Variants in CTDSP1 observed in about 807,000 individuals in gnomAD.
CTDSP1 encodes CTD small phosphatase 1.
CTDSP1 carries 15 observed loss-of-function variants against 32.5 expected under a neutral mutation model. The ratio of observed to expected loss-of-function variants is 0.46; its 90% CI spans 0.31 to 0.71. The LOEUF (loss-of-function observed/expected upper bound fraction) is 0.71. CTDSP1 is among the 30% of genes least tolerant of loss of function. The pLI is 0.05. For synonymous variants in CTDSP1, 185 were observed against 145.4 expected (o/e 1.27, Z -1.96); for missense variants, 294 against 351.1 (o/e 0.84, Z 1.30).
chr2:218,401,426 T>A (rs1436576947), intron 1 of CTDSP1, 138 bp from the exon 2 acceptor site: 24 of 955,730 alleles, frequency 2.5e-5, no homozygotes, highest in Non-Finnish European at 3.7e-5. Flanking sequence ...TCAGAGAAAG[T>A]CAGGAGCTGC....
rs199791299 is a variant in CTDSP1 at position 218,402,218 on chromosome 2, G to A, written c.321+3G>A. The A allele has an allele frequency of 8.8e-4, 1,419 of 1,613,316 alleles. No individual in the cohort carries two copies. The highest frequency in any genetic ancestry group is 7.4e-4 in the Non-Finnish European group (870 of 1,179,560). Reference sequence around the variant, plus strand: ...CCCTGGTGCACAGCTCCTTCAAGGTGGGCCCTGCTCAACAGCCCTCAGCCC... The same window carrying A: ...CCCTGGTGCACAGCTCCTTCAAGGTAGGCCCTGCTCAACAGCCCTCAGCCC... On this transcript the variant is annotated splice_donor_region_variant and intron_variant, in intron 3 of 6. Coordinates refer to ENST00000273062, the MANE Select transcript of CTDSP1 (RefSeq NM_021198.3).
chr2:218,399,597 G>T (rs1286230543), upstream of CTDSP1: 4 of 406,300 alleles, frequency 9.8e-6, no homozygotes, highest in Non-Finnish European at 1.3e-5. Context: ...CTCCCGGCGG[G>T]CGGGCCTTGG....
Position 218,403,070 on chromosome 2 carries a change from C to T in CTDSP1, c.414C>T (p.Phe138=), listed in dbSNP as rs570745354. ...TGAAGCGTCCTCACGTGGATGAGTT[C>T]CTGCAGCGAATGGGCGAGCTCTTTG... is the stretch of plus-strand genomic sequence containing the variant. ...YVLKRPHVDE[F]LQRMGELFEC... The change falls in exon 5 of 7, where the codon TTC becomes TTT. Residue 138 remains phenylalanine (F), a synonymous_variant. Transcript: ENST00000273062. 1.9e-6 allele frequency: 3 copies of T among 1,614,158 alleles called. No homozygotes were observed. Among genetic ancestry groups the T allele is most frequent in the South Asian group, 2.2e-5 (2 of 91,086 alleles).
rs954785777 is a variant in CTDSP1 at position 218,400,033 on chromosome 2, G to A, written c.-58G>A. ...CCGCGCCCCGATTCCGGCCCCAGCC[G>A]GGGGGGAGGCCGGGCGCCCGGGCCA... is the stretch of plus-strand genomic sequence containing the variant. On this transcript the variant is annotated 5_prime_UTR_variant, in exon 1 of 7. Transcript: ENST00000273062. 28 of 1,063,690 alleles carry A rather than the reference G, an allele frequency of 2.6e-5. No individual in the cohort carries two copies. The highest frequency in any genetic ancestry group is 9.7e-5 in the East Asian group (1 of 10,282). 65.9% of individuals were successfully genotyped at this position (1,063,690 alleles called of 1,614,324 possible).
chr2:218,403,208 G>A (rs1200422554), intron 5 of CTDSP1, 24 bp from the exon 6 acceptor site: 6 of 1,611,408 alleles, frequency 3.7e-6, no homozygotes, highest in South Asian at 1.1e-5. Context: ...GCGGGCCCCA[G>A]GATGACCCAC....
At chr2:218,398,652 C>G (rs1354567377), upstream of CTDSP1, 2 of 397,050 alleles carry the variant, frequency 5.0e-6, no homozygotes, top group Non-Finnish European at 8.8e-6. Context: ...GCGTCGCACC[C>G]GGCGGCCGGA....
chr2:218,397,662 C>CA (rs1477624566), upstream of CTDSP1, among the ~76,000 whole-genome samples: 1 of 152,094 alleles, frequency 6.6e-6, no homozygotes, highest in African/African-American at 2.4e-5. Flanking sequence ...ATAAAACAGA[C>CA]AAAAAATAGA....
In CTDSP1 at chr2:218,402,334, CT is replaced by C; in HGVS notation, c.322-11del. ...GGCTCCTCCTCCAACTCCAGCAGCT[CT>C]TTTCCCCCCACAGCCAGTGAACAAC... is the stretch of plus-strand genomic sequence containing the variant. On this transcript the variant is annotated splice_polypyrimidine_tract_variant and intron_variant, in intron 3 of 6. Transcript: ENST00000273062. 1 of 1,614,040 alleles carries C rather than the reference CT, an allele frequency of 6.2e-7. No homozygotes were observed. The highest frequency in any genetic ancestry group is 8.5e-7 in the Non-Finnish European group (1 of 1,180,006).
At chr2:218,402,044 A>G (rs1055124281) in intron 2 of CTDSP1, 67 bp from the exon 3 acceptor site, 37 of 1,099,256 alleles carry the variant, frequency 3.4e-5, no homozygotes, top group Non-Finnish European at 4.9e-5. Context: ...CTAGGGGGAG[A>G]AGCCTGCGTG....
At chr2:218,403,671 G>A (rs991652031) in intron 6 of CTDSP1, 4 of 411,362 alleles carry the variant, frequency 9.7e-6, no homozygotes, top group African/African-American at 8.1e-5. Context: ...AGTTTGGAAA[G>A]TTTCAATTTT....
At chr2:218,402,071 C>A in intron 2 of CTDSP1, 40 bp from the exon 3 acceptor site, 1 of 1,410,776 alleles carries the variant, frequency 7.1e-7, no homozygotes, top group African/African-American at 1.4e-5. Flanking sequence ...AGGACCAGGC[C>A]CGGAGAGAGG....
chr2:218,400,310 T>C (rs765236244), intron 1 of CTDSP1, 153 bp downstream of exon 1: 5 of 781,286 alleles, frequency 6.4e-6, no homozygotes, highest in African/African-American at 5.2e-5. Context: ...GGGAGAGAGT[T>C]TGAACTCAGA....
upstream of CTDSP1, chr2:218,399,349 C>G (rs528717801): frequency 6.6e-6 from 1 of 152,288 alleles, no homozygotes; most frequent in Admixed American, 6.5e-5. Context: ...CCGTCCCATT[C>G]AAGAGCGTGA....
chr2:218,400,733 G>A (rs1185002163), intron 1 of CTDSP1: 1 of 455,722 alleles, frequency 2.2e-6, no homozygotes, highest in Admixed American at 2.4e-5. Context: ...TCCAAGAGTC[G>A]CTTGGCGCCC....
chr2:218,396,744 CA>C, upstream of CTDSP1: 1 of 152,702 alleles, frequency 6.5e-6, no homozygotes, highest in East Asian at 1.9e-4. Context: ...CGAAGAAAGG[CA>C]TCTCCCAGAT....
At position 218,404,353 on chromosome 2, in the gene CTDSP1, C is replaced by T. The variant is rs771059724; in HGVS notation, c.714C>T (p.Leu238=). The change falls in exon 7 of 7, where the codon CTC becomes CTT. Residue 238 remains leucine, a synonymous_variant. Coordinates refer to ENST00000273062, the MANE Select transcript of CTDSP1 (RefSeq NM_021198.3). The stretch of plus-strand genomic sequence containing the variant: ...GTGACACAGAGCTCCACGACCTCCT[C>T]CCCTTCTTCGAGCAACTCAGCCGTG... ...NMSDTELHDL[L]PFFEQLSRVD... is the part of the protein sequence containing the mutation. The T allele has an allele frequency of 6.2e-7, 1 of 1,614,232 alleles. No homozygotes were observed. The highest frequency in any genetic ancestry group is 8.5e-7 in the Non-Finnish European group (1 of 1,180,036).
intron 4 of CTDSP1, 72 bp downstream of exon 4, chr2:218,402,477 G>A: frequency 6.9e-7 from 1 of 1,457,736 alleles, no homozygotes; most frequent in Non-Finnish European, 9.6e-7. Flanking sequence ...CACCAATCCG[G>A]AGCGCCTCGG....
chr2:218,398,086 A>T (rs1331196426), upstream of CTDSP1, among the ~76,000 whole-genome samples: 1 of 152,118 alleles, frequency 6.6e-6, no homozygotes, highest in African/African-American at 2.4e-5. Context: ...ACCCAGGCCA[A>T]GGGCGAGGCC....
upstream of CTDSP1, chr2:218,399,278 G>A (rs1333876606): frequency 5.9e-5 from 9 of 152,302 alleles, no homozygotes; most frequent in East Asian, 1.9e-4. Flanking sequence ...AGGGCAGAGA[G>A]TTAGAATTTC....
Sources: gnomAD v4.1 joint callset for allele counts (sites outside exome capture counted in the v4.1 genomes callset) on GRCh38, gnomAD v4.1.1 for gene constraint, MANE v1.5 for transcripts, NCBI Gene and HGNC (gene_info 2026-07-23, HGNC 2026-07-21) for gene names.